Variants in TMEM117 observed in about 807,000 individuals in gnomAD.
TMEM117 encodes the protein transmembrane protein 117.
Under a neutral mutation model 52.4 loss-of-function variants are expected in TMEM117, and 27 were observed. The observed-to-expected ratio is 0.51, with a 90% confidence interval of 0.38 to 0.71. The LOEUF is 0.71. Ranked by LOEUF, TMEM117 falls within the 30% of genes least tolerant of loss-of-function variation. The probability of loss-of-function intolerance (pLI) is 0.00; values close to 1 mark genes in which losing one functional copy is unlikely to be tolerated. For missense variants in TMEM117, 556 were observed against 630.5 expected (o/e 0.88, Z 1.26); for synonymous variants, 215 against 206.3 (o/e 1.04, Z -0.36).
intron 2 of TMEM117, among the ~76,000 whole-genome samples, chr12:43,928,422 A>G (rs1398769404): frequency 6.6e-6 from 1 of 151,914 alleles, no homozygotes; most frequent in African/African-American, 2.4e-5. Flanking sequence ...AGTACTTTTA[A>G]ATGAAGGTAT....
chr12:43,932,474 G>A (rs1279554931), intron 2 of TMEM117, among the ~76,000 whole-genome samples: 3 of 151,762 alleles, frequency 2.0e-5, no homozygotes, highest in Admixed American at 1.3e-4. Context: ...ATAGTTATTG[G>A]AGAATTGTCT....
chr12:43,816,403 A>G, the TMEM117 span, among the ~76,000 whole-genome samples: 1 of 149,438 alleles, frequency 6.7e-6, no homozygotes, highest in Non-Finnish European at 1.5e-5. Flanking sequence ...CTCACCTCCT[A>G]TCCACTACTC....
intron 4 of TMEM117, among the ~76,000 whole-genome samples, chr12:44,169,101 A>G (rs1949009478): frequency 6.6e-6 from 1 of 152,096 alleles, no homozygotes; most frequent in Non-Finnish European, 1.5e-5. Flanking sequence ...TCATTCCTCC[A>G]TTGAAGGATA....
intron 5 of TMEM117, among the ~76,000 whole-genome samples, chr12:44,297,959 T>C (rs1382275310): frequency 6.6e-6 from 1 of 152,198 alleles, no homozygotes; most frequent in Non-Finnish European, 1.5e-5. Flanking sequence ...AGACAATCTG[T>C]ATTTTATATT....
At chr12:44,043,641 G>A (rs989062245) in intron 3 of TMEM117, among the ~76,000 whole-genome samples, 2 of 152,116 alleles carry the variant, frequency 1.3e-5, no homozygotes, top group African/African-American at 2.4e-5. Flanking sequence ...GCAAAATAAT[G>A]TTGATTCTCC....
At chr12:44,236,594 G>A (rs779879307) in intron 5 of TMEM117, among the ~76,000 whole-genome samples, 1 of 152,110 alleles carries the variant, frequency 6.6e-6, no homozygotes, top group Non-Finnish European at 1.5e-5. Flanking sequence ...TCTAATATTT[G>A]AACATTTTGA....
chr12:44,209,648 G>A (rs117013750), intron 4 of TMEM117, among the ~76,000 whole-genome samples: 2,848 of 152,194 alleles, frequency 0.019, 46 homozygotes, highest in South Asian at 0.039. Flanking sequence ...ATGTTAGATA[G>A]AGCCTACATA....
chr12:44,203,028 C>T (rs1949517718), intron 4 of TMEM117, among the ~76,000 whole-genome samples: 1 of 152,100 alleles, frequency 6.6e-6, no homozygotes, highest in Non-Finnish European at 1.5e-5. Flanking sequence ...CTTTTGACCT[C>T]AGGTGATCTG....
intron 3 of TMEM117, among the ~76,000 whole-genome samples, chr12:44,006,329 C>T (rs1946195262): frequency 6.6e-6 from 1 of 152,220 alleles, no homozygotes; most frequent in South Asian, 2.1e-4. Context: ...TCCTTGCATT[C>T]AGACATTCCC....
At position 44,381,235 on chromosome 12, in the gene TMEM117, G is replaced by A. The variant is rs79904179; in HGVS notation, c.898+4511G>A. ...GCTTCAGTAACAAAGGGAATAAATG[G>A]TTAGTGATTAAGTCACACTGGTACT... On this transcript the variant is annotated intron_variant, in intron 7 of 7. Coordinates refer to ENST00000266534, the MANE Select transcript of TMEM117 (RefSeq NM_032256.3). Among the ~76,000 whole-genome samples, 1,136 of 152,220 alleles carry A rather than the reference G, an allele frequency of 7.5e-3. 7 individuals are homozygous for A. The highest frequency in any genetic ancestry group is 0.017 in the Middle Eastern group (5 of 294).
the TMEM117 span, among the ~76,000 whole-genome samples, chr12:43,827,275 C>T: frequency 2.0e-5 from 3 of 152,022 alleles, no homozygotes; most frequent in Non-Finnish European, 4.4e-5. Context: ...CATCATTATG[C>T]ATTTTGTATT....
chr12:44,381,829 C>T (rs59069524), intron 7 of TMEM117, among the ~76,000 whole-genome samples: 6,452 of 151,920 alleles, frequency 0.042, 457 homozygotes, highest in African/African-American at 0.15. Flanking sequence ...TTTTAAAGAG[C>T]TCTCCTGTAT....
chr12:43,820,166 C>T, the TMEM117 span, among the ~76,000 whole-genome samples: 32 of 152,194 alleles, frequency 2.1e-4, no homozygotes, highest in African/African-American at 6.3e-4. Context: ...GGCGCAACCT[C>T]GGCTCACTGC....
chr12:44,266,568 G>A (rs1257891098), intron 5 of TMEM117, among the ~76,000 whole-genome samples: 1 of 151,982 alleles, frequency 6.6e-6, no homozygotes, highest in African/African-American at 2.4e-5. Flanking sequence ...CTAGTTTGTG[G>A]CTTGCATTTT....
intron 3 of TMEM117, among the ~76,000 whole-genome samples, chr12:43,960,663 A>G (rs1286398754): frequency 6.6e-6 from 1 of 152,176 alleles, no homozygotes; most frequent in East Asian, 1.9e-4. Context: ...TGTTTACTCC[A>G]GCTCTCTTAT....
rs1190018466 is a variant in TMEM117, at chr12:44,368,873, G to A, written c.769-7722G>A. 2.0e-5 allele frequency among the ~76,000 whole-genome samples: 3 copies of A among 152,004 alleles called. No individual in the cohort carries two copies. The East Asian group carries it at 5.8e-4, about 29-fold the overall frequency. ...GAACATGCATTTGAGTAAGAAATAT[G>A]CCAATTTATATAGTTAACTTTCATT... On this transcript the variant is annotated intron_variant, in intron 6 of 7. Coordinates refer to ENST00000266534, the MANE Select transcript of TMEM117 (RefSeq NM_032256.3).
At chr12:43,861,626 G>A (rs1451172081) in intron 2 of TMEM117, among the ~76,000 whole-genome samples, 1 of 152,230 alleles carries the variant, frequency 6.6e-6, no homozygotes, top group African/African-American at 2.4e-5. Flanking sequence ...GTCACAGTGG[G>A]TGGAGGAAGA....
At chr12:43,863,318 A>T (rs1339010099) in intron 2 of TMEM117, among the ~76,000 whole-genome samples, 2 of 152,220 alleles carry the variant, frequency 1.3e-5, no homozygotes, top group Non-Finnish European at 2.9e-5. Context: ...CCTAAAGAGT[A>T]AGGAAGGAGG....
chr12:44,075,814 G>A (rs1372063490), intron 3 of TMEM117, among the ~76,000 whole-genome samples: 2 of 152,184 alleles, frequency 1.3e-5, no homozygotes, highest in Non-Finnish European at 2.9e-5. Context: ...GACATTAGGA[G>A]CAAAAGCAGC....
Sources: gnomAD v4.1 joint callset for allele counts (sites outside exome capture counted in the v4.1 genomes callset) on GRCh38, gnomAD v4.1.1 for gene constraint, MANE v1.5 for transcripts, NCBI Gene and HGNC (gene_info 2026-07-23, HGNC 2026-07-21) for gene names.